Variants in DLGAP1 observed in about 807,000 individuals in gnomAD.
The protein encoded by DLGAP1 is disks large-associated protein 1.
In DLGAP1, 11 loss-of-function variants were observed where a neutral mutation model predicts 90.8. That is an observed-to-expected ratio of 0.12 (90% CI 0.08 to 0.20). DLGAP1 has a LOEUF of 0.20. Among genes scored for constraint, DLGAP1 ranks in the 10% least tolerant of loss-of-function variants. The pLI is 1.00. For synonymous variants in DLGAP1, 558 were observed against 540.7 expected, an observed-to-expected ratio of 1.03 and a Z score of -0.44; for missense variants, 1,050 against 1,333.8, an observed-to-expected ratio of 0.79 and a Z score of 3.31.
intron 1 of DLGAP1, among the ~76,000 whole-genome samples, chr18:4,238,681 A>C (rs2145111841): frequency 6.6e-6 from 1 of 152,310 alleles, no homozygotes; most frequent in Middle Eastern, 3.4e-3. Flanking sequence ...TATGTATAGC[A>C]GCACTATTAA....
intron 9 of DLGAP1, among the ~76,000 whole-genome samples, chr18:3,550,208 G>A (rs1227719442): frequency 2.0e-5 from 3 of 151,774 alleles, no homozygotes; most frequent in African/African-American, 7.3e-5. Context: ...CACCACGCCC[G>A]GCCAGAGCCT....
chr18:4,429,768 G>GA lies in DLGAP1; in HGVS notation c.-267+25237dup, dbSNP rs200135655. 1.9e-3 allele frequency among the ~76,000 whole-genome samples: 277 copies of GA among 149,642 alleles called. 2 individuals carry two copies. The highest frequency in any genetic ancestry group is 6.2e-3 in the African/African-American group (252 of 40,734). On this transcript the variant is annotated intron_variant, in intron 1 of 12. Transcript: ENST00000315677. ...ATATGTGGCAGCCCAGTTGATAATA[G>GA]AAAAAAAAAGCCAGGAAATCTTCCA...
At chr18:3,528,145 C>T (rs965823761) in intron 10 of DLGAP1, among the ~76,000 whole-genome samples, 2 of 152,136 alleles carry the variant, frequency 1.3e-5, no homozygotes, top group Non-Finnish European at 2.9e-5. Flanking sequence ...CCACGTTTGT[C>T]AGGCACCCTG....
At chr18:3,909,990 T>C (rs2071996741) in intron 3 of DLGAP1, among the ~76,000 whole-genome samples, 1 of 151,972 alleles carries the variant, frequency 6.6e-6, no homozygotes, top group Non-Finnish European at 1.5e-5. Context: ...TGTCATTTCT[T>C]ATGGGTTCAA....
In DLGAP1 at chr18:3,624,718, G is replaced by A. The variant is rs115250609; in HGVS notation, c.1592-42470C>T. Among the ~76,000 whole-genome samples the A allele has an allele frequency of 5.0e-3, 768 of 152,282 alleles. 5 individuals are homozygous for A. The highest frequency in any genetic ancestry group is 0.018 in the African/African-American group (737 of 41,546). On this transcript the variant is annotated intron_variant, in intron 7 of 12. Transcript: ENST00000315677. Reference sequence around the variant, plus strand: ...TGATAAAGAAGAGGGAAAACAGACTGAGCATACCCATCCCCTTTTAAATTC... The same window carrying A: ...TGATAAAGAAGAGGGAAAACAGACTAAGCATACCCATCCCCTTTTAAATTC...
intron 8 of DLGAP1, among the ~76,000 whole-genome samples, chr18:3,574,929 C>G (rs2055028792): frequency 1.3e-5 from 2 of 151,484 alleles, no homozygotes; most frequent in South Asian, 4.2e-4. Context: ...ATTCTCCTGC[C>G]TCAGCCTCCC....
intron 3 of DLGAP1, among the ~76,000 whole-genome samples, chr18:3,903,968 T>A (rs574430276): frequency 6.6e-6 from 1 of 152,338 alleles, no homozygotes; most frequent in African/African-American, 2.4e-5. Context: ...CTCTTTTGCA[T>A]GATCTCCTAG....
intron 3 of DLGAP1, among the ~76,000 whole-genome samples, chr18:3,961,797 G>A (rs550244299): frequency 2.4e-4 from 36 of 152,326 alleles, no homozygotes; most frequent in Non-Finnish European, 4.3e-4. Context: ...GCAAGGGGAA[G>A]CATGGGCTTG....
chr18:3,946,880 C>A (rs957419230), intron 3 of DLGAP1, among the ~76,000 whole-genome samples: 2 of 152,104 alleles, frequency 1.3e-5, no homozygotes, highest in African/African-American at 4.8e-5. Context: ...TTCATTTAAA[C>A]CTTGACGTGA....
intron 2 of DLGAP1, among the ~76,000 whole-genome samples, chr18:4,074,070 C>T (rs1175616917): frequency 1.3e-5 from 2 of 152,050 alleles, no homozygotes; most frequent in Non-Finnish European, 2.9e-5. Flanking sequence ...ATTCATCTTT[C>T]TCCACAATAC....
At chr18:3,725,563 C>T (rs2062140524) in intron 7 of DLGAP1, among the ~76,000 whole-genome samples, 1 of 152,170 alleles carries the variant, frequency 6.6e-6, no homozygotes, top group Non-Finnish European at 1.5e-5. Flanking sequence ...GATATTCCTA[C>T]TGTAATATTA....
intron 2 of DLGAP1, among the ~76,000 whole-genome samples, chr18:4,062,814 T>C (rs2075317460): frequency 6.6e-6 from 1 of 152,108 alleles, no homozygotes; most frequent in South Asian, 2.1e-4. Flanking sequence ...CTTTCTTTTT[T>C]TTCCCTGCAA....
At chr18:3,953,966 T>C (rs1416835312) in intron 3 of DLGAP1, among the ~76,000 whole-genome samples, 1 of 152,224 alleles carries the variant, frequency 6.6e-6, no homozygotes, top group Non-Finnish European at 1.5e-5. Flanking sequence ...CTTGGAGCTC[T>C]TTATCATCAT....
intron 7 of DLGAP1, among the ~76,000 whole-genome samples, chr18:3,628,199 T>TC (rs1469546482): frequency 8.7e-5 from 13 of 149,492 alleles, no homozygotes; most frequent in Non-Finnish European, 1.6e-4. Flanking sequence ...TTTTTTTTTT[T>TC]TTTTTTTTGA....
At chr18:3,845,335 C>T in intron 4 of DLGAP1, 1 of 1,577,632 alleles carries the variant, frequency 6.3e-7, no homozygotes, top group Non-Finnish European at 8.7e-7. Flanking sequence ...TTTAGCTTCT[C>T]TCTATGATTT....
At chr18:4,243,965 C>T (rs1016956890) in intron 1 of DLGAP1, among the ~76,000 whole-genome samples, 3 of 152,110 alleles carry the variant, frequency 2.0e-5, no homozygotes, top group East Asian at 1.9e-4. Flanking sequence ...AGTAATGCCA[C>T]GAACACCTGG....
At position 3,826,687 on chromosome 18, in the gene DLGAP1, G is replaced by T. The variant is rs1050331139; in HGVS notation, c.958-12414C>A. ...TCCATTTCAGGAGGCTTTACAGGCT[G>T]TGGTAAGGGCTGTGGCATGTACTTG... On this transcript the variant is annotated intron_variant, in intron 4 of 12. Transcript: ENST00000315677. Among the ~76,000 whole-genome samples, 13 of 152,214 alleles carry T rather than the reference G, an allele frequency of 8.5e-5. 1 individual carries two copies. In the East Asian group the frequency reaches 2.5e-3, roughly 29 times the overall value.
At chr18:4,382,450 A>G (rs2082144967) in intron 1 of DLGAP1, among the ~76,000 whole-genome samples, 2 of 151,112 alleles carry the variant, frequency 1.3e-5, no homozygotes, top group South Asian at 4.2e-4. Context: ...TGATCATGAG[A>G]AAAAAAATAA....
intron 1 of DLGAP1, among the ~76,000 whole-genome samples, chr18:4,316,836 T>C (rs562619379): frequency 6.6e-6 from 1 of 152,214 alleles, no homozygotes; most frequent in Non-Finnish European, 1.5e-5. Flanking sequence ...ACTAGATTTA[T>C]AATTTTTTCC....
Sources: allele counts gnomAD v4.1 joint callset (sites outside exome capture counted in the v4.1 genomes callset), GRCh38; gene constraint gnomAD v4.1.1; transcripts MANE v1.5; gene names NCBI Gene and HGNC (gene_info 2026-07-23, HGNC 2026-07-21).